ARHGAP28: variants seen among roughly 807,000 people sequenced by gnomAD.
ARHGAP28 encodes rho GTPase-activating protein 28.
ARHGAP28 carries 56 observed loss-of-function variants against 90.7 expected under a neutral mutation model. The ratio of observed to expected loss-of-function variants is 0.62; its 90% CI spans 0.50 to 0.77. The LOEUF (loss-of-function observed/expected upper bound fraction) is 0.77. Among genes scored for constraint, ARHGAP28 ranks in the 30% least tolerant of loss-of-function variants. The pLI, the probability that ARHGAP28 is intolerant of heterozygous loss-of-function variation, is 0.00. For synonymous variants in ARHGAP28, 308 were observed against 323.3 expected, an observed-to-expected ratio of 0.95 and a Z score of 0.51; for missense variants, 869 against 900.9, an observed-to-expected ratio of 0.96 and a Z score of 0.45.
intron 1 of ARHGAP28, among the ~76,000 whole-genome samples, chr18:6,770,554 G>A (rs563744108): frequency 6.6e-6 from 1 of 152,244 alleles, no homozygotes; most frequent in Admixed American, 6.5e-5. Flanking sequence ...AAACATGCTC[G>A]TCACAGGCAG....
chr18:6,874,029 A>G (rs1391742662), intron 9 of ARHGAP28, among the ~76,000 whole-genome samples: 3 of 152,222 alleles, frequency 2.0e-5, no homozygotes, highest in Admixed American at 6.5e-5. Context: ...TGACAGACAC[A>G]GATGGTCTGA....
At chr18:6,804,071 AACCAGCCT>A (rs2065259054) in intron 1 of ARHGAP28, among the ~76,000 whole-genome samples, 1 of 152,186 alleles carries the variant, frequency 6.6e-6, no homozygotes, top group South Asian at 2.1e-4. Flanking sequence ...GAGCCACCAC[AACCAGCCT>A]CTTGGTAGAA....
chr18:6,812,398 A>G (rs1173779000), intron 1 of ARHGAP28, among the ~76,000 whole-genome samples: 3 of 152,344 alleles, frequency 2.0e-5, no homozygotes, highest in East Asian at 1.9e-4. Flanking sequence ...TGAAAGCTCA[A>G]CAGATTTGCT....
chr18:6,909,173 C>A, intron 17 of ARHGAP28, 149 bp downstream of exon 17: 1 of 563,784 alleles, frequency 1.8e-6, no homozygotes, highest in Non-Finnish European at 3.1e-6. Context: ...CATGTGGGAA[C>A]AGTTGCACAG....
chr18:6,871,767 C>T (rs1289393723), intron 7 of ARHGAP28, among the ~76,000 whole-genome samples: 1 of 152,100 alleles, frequency 6.6e-6, no homozygotes, highest in African/African-American at 2.4e-5. Context: ...TACCAGGTGA[C>T]TTGGACCGTT....
At chr18:6,893,927 C>T (rs2057285514) in intron 14 of ARHGAP28, among the ~76,000 whole-genome samples, 1 of 138,618 alleles carries the variant, frequency 7.2e-6, no homozygotes, top group Non-Finnish European at 1.5e-5. Context: ...AGTGCAGTGG[C>T]GCGATCTCGG....
intron 1 of ARHGAP28, among the ~76,000 whole-genome samples, chr18:6,824,491 C>T (rs1003045226): frequency 2.0e-5 from 3 of 152,000 alleles, no homozygotes; most frequent in Admixed American, 1.3e-4. Flanking sequence ...GAGCCGAGAT[C>T]GCGCCACCAT....
intron 4 of ARHGAP28, among the ~76,000 whole-genome samples, chr18:6,854,655 T>G (rs1232351231): frequency 2.0e-5 from 3 of 152,096 alleles, no homozygotes; most frequent in African/African-American, 7.2e-5. Flanking sequence ...GGTTGTGCCT[T>G]CCATGGGGCC....
intron 1 of ARHGAP28, among the ~76,000 whole-genome samples, chr18:6,743,696 A>G (rs1239175340): frequency 1.3e-5 from 2 of 152,266 alleles, no homozygotes; most frequent in Non-Finnish European, 2.9e-5. Flanking sequence ...ATTAATAGAA[A>G]GTAAATATAT....
chr18:6,785,792 T>G (rs2056360511), intron 1 of ARHGAP28, among the ~76,000 whole-genome samples: 1 of 152,230 alleles, frequency 6.6e-6, no homozygotes, highest in Non-Finnish European at 1.5e-5. Context: ...AGGCTTTACT[T>G]AGTTTTCCAG....
intron 1 of ARHGAP28, among the ~76,000 whole-genome samples, chr18:6,813,495 G>T (rs534778515): frequency 1.3e-5 from 2 of 152,120 alleles, no homozygotes; most frequent in East Asian, 1.9e-4. Flanking sequence ...TATGCACATA[G>T]CTCTCTTTGA....
At chr18:6,802,583 T>A (rs1262353952) in intron 1 of ARHGAP28, among the ~76,000 whole-genome samples, 2 of 152,018 alleles carry the variant, frequency 1.3e-5, no homozygotes, top group Non-Finnish European at 2.9e-5. Flanking sequence ...TGACCTCAAG[T>A]GATCTTGCCC....
intron 5 of ARHGAP28, 40 bp downstream of exon 5, chr18:6,859,937 A>G (rs761578215): frequency 6.4e-7 from 1 of 1,570,270 alleles, no homozygotes; most frequent in Non-Finnish European, 8.7e-7. Flanking sequence ...GTCAAGGTAC[A>G]GTTGCAAGTC....
intron 1 of ARHGAP28, among the ~76,000 whole-genome samples, chr18:6,801,899 T>C (rs949734656): frequency 6.6e-6 from 1 of 152,188 alleles, no homozygotes; most frequent in Non-Finnish European, 1.5e-5. Context: ...TACCCATTAA[T>C]TAACCTCTCT....
intron 6 of ARHGAP28, among the ~76,000 whole-genome samples, chr18:6,870,200 C>A (rs1228810219): frequency 6.6e-6 from 1 of 152,194 alleles, no homozygotes; most frequent in African/African-American, 2.4e-5. Context: ...TCTTCCTCTG[C>A]TTTAAGCTTC....
intron 16 of ARHGAP28, chr18:6,896,912 T>C (rs1019713554): frequency 1.9e-5 from 4 of 205,272 alleles, no homozygotes; most frequent in African/African-American, 9.3e-5. Context: ...TTATTTTATT[T>C]TATTTTATTT....
At position 6,909,039 on chromosome 18, in the gene ARHGAP28, A is replaced by G. The variant is rs202032383; in HGVS notation, c.2095+15A>G. ...AGGAAATATAGGTAAGCATACTGTA[A>G]TAATTTCTACTGCTAAATTCTCTGA... On this transcript the variant is annotated intron_variant, in intron 17 of 17. Coordinates refer to ENST00000383472, the MANE Select transcript of ARHGAP28 (RefSeq NM_001366230.1). The G allele has an allele frequency of 1.5e-6, 2 of 1,351,658 alleles. No homozygotes were observed. The highest frequency in any genetic ancestry group is 1.0e-6 in the Non-Finnish European group (1 of 953,774). 83.7% of individuals were successfully genotyped at this position (1,351,658 alleles called of 1,614,324 possible).
chr18:6,841,185 CTCT>C (rs1567966626), intron 3 of ARHGAP28, among the ~76,000 whole-genome samples: 9 of 56,470 alleles, frequency 1.6e-4, no homozygotes, highest in Non-Finnish European at 2.6e-4. Flanking sequence ...TCTCTCCTCT[CTCT>C]CTCTCTCTCT....
chr18:6,791,844 T>TTTTTTGTTTG (rs1567948938), intron 1 of ARHGAP28, among the ~76,000 whole-genome samples: 2 of 152,094 alleles, frequency 1.3e-5, no homozygotes, highest in Admixed American at 1.3e-4. Context: ...TGTGGGTTTT[T>TTTTTTGTTTG]TTTGTTTGTT....
Sources: allele counts gnomAD v4.1 joint callset (sites outside exome capture counted in the v4.1 genomes callset), GRCh38; gene constraint gnomAD v4.1.1; transcripts MANE v1.5; gene names NCBI Gene and HGNC (gene_info 2026-07-23, HGNC 2026-07-21).